The following CROCC variants were observed in gnomAD, a reference collection of about 807,000 sequenced individuals.
The protein encoded by CROCC is rootletin.
Under a neutral mutation model 245.2 loss-of-function variants are expected in CROCC, and 180 were observed. The observed-to-expected ratio is 0.73, with a 90% CI of 0.65 to 0.83. CROCC has a LOEUF of 0.83. Ranked by LOEUF, CROCC falls within the 40% of genes least tolerant of loss-of-function variation. The pLI is 0.00. For synonymous variants in CROCC, 1,205 were observed against 1,241.6 expected (o/e 0.97, Z 0.62); for missense variants, 2,688 against 2,779.4 (o/e 0.97, Z 0.74).
intron 17 of CROCC, 49 bp from the exon 18 acceptor site, chr1:16,948,282 C>G (rs1165663571): frequency 3.4e-6 from 5 of 1,492,144 alleles, no homozygotes; most frequent in African/African-American, 1.4e-5. Flanking sequence ...GCACGATGAA[C>G]AAGCTGGGGG....
At chr1:16,958,536 G>A in intron 25 of CROCC, 47 bp from the exon 26 acceptor site, 5 of 1,545,148 alleles carry the variant, frequency 3.2e-6, no homozygotes, top group Non-Finnish European at 4.4e-6. Context: ...GAACTGGGAG[G>A]GTACAGGGGC....
intron 3 of CROCC, among the ~76,000 whole-genome samples, chr1:16,926,813 G>A (rs746371489): frequency 5.3e-5 from 8 of 152,376 alleles, no homozygotes; most frequent in African/African-American, 7.2e-5. Context: ...ATTGAATGGC[G>A]GTCTGAGGGC....
intron 13 of CROCC, 78 bp downstream of exon 13, chr1:16,940,171 T>C: frequency 6.9e-7 from 1 of 1,446,398 alleles, no homozygotes; most frequent in East Asian, 2.5e-5. Flanking sequence ...GCCTTATGCG[T>C]ATGGCTCTGC....
chr1:16,966,945 C>T lies in CROCC; in HGVS notation c.4860+374C>T, dbSNP rs2076427748. Among the ~76,000 whole-genome samples the T allele has an allele frequency of 6.6e-6, 1 of 152,030 alleles. No homozygotes were observed. The highest frequency in any genetic ancestry group is 1.5e-5 in the Non-Finnish European group (1 of 68,018). On this transcript the variant is annotated intron_variant, in intron 30 of 36. Transcript: ENST00000375541. This position sits in a 1 kb window ranked among gnomAD's most constrained non-coding sequence, Gnocchi z 4.8. Reference sequence around the variant, plus strand: ...TGGTGTGGGCCTGTAGTCCCAGCTACTCGGGAGGCTGAGGTGGGAAGATCA... The same window carrying T: ...TGGTGTGGGCCTGTAGTCCCAGCTATTCGGGAGGCTGAGGTGGGAAGATCA...
intron 26 of CROCC, among the ~76,000 whole-genome samples, chr1:16,959,868 C>T (rs1252037011): frequency 2.0e-5 from 3 of 151,916 alleles, no homozygotes; most frequent in East Asian, 3.9e-4. Flanking sequence ...CGTGTGGCCC[C>T]GTGTGGTATG....
intron 13 of CROCC, among the ~76,000 whole-genome samples, 159 bp from the exon 14 acceptor site, chr1:16,943,941 A>G (rs1438891721): frequency 6.6e-6 from 1 of 152,270 alleles, no homozygotes; most frequent in African/African-American, 2.4e-5. Context: ...TGTGAGTGAA[A>G]TGAGTCAGCC....
chr1:16,937,660 G>T lies in CROCC; in HGVS notation c.1213G>T (p.Ala405Ser), dbSNP rs1219768991. 1.2e-6 allele frequency: 2 copies of T among 1,611,300 alleles called. No individual in the cohort carries two copies. The highest frequency in any genetic ancestry group is 4.5e-5 in the East Asian group (2 of 44,894). ...LSARVTELGLAVKRLEKQNLE... is the reference protein window; with the variant it reads ...LSARVTELGLSVKRLEKQNLE... The stretch of plus-strand genomic sequence containing the variant: ...CTCCAGAGTGACAGAGCTGGGCCTG[G>T]CAGTGAAGCGTCTTGAGAAGCAGAA... The change falls in exon 10 of 37, where the codon GCA becomes TCA. Residue 405 changes from alanine (A) to serine (S), a missense_variant. Physicochemically the swap from Ala to Ser is moderately conservative, Grantham distance 99 (BLOSUM62 1). This residue lies in a region of CROCC where 972 missense variants were observed against 895.3 expected (regional missense o/e 1.09). Coordinates refer to ENST00000375541, the MANE Select transcript of CROCC (RefSeq NM_014675.5).
At chr1:16,918,451 C>G (rs1274035763), upstream of CROCC, among the ~76,000 whole-genome samples, 4 of 152,336 alleles carry the variant, frequency 2.6e-5, no homozygotes, top group East Asian at 7.7e-4. Context: ...TCACCTGGTG[C>G]CAGGGGCTGA....
At chr1:16,957,676 G>A (rs1388763737) in intron 25 of CROCC, among the ~76,000 whole-genome samples, 1 of 152,074 alleles carries the variant, frequency 6.6e-6, no homozygotes, top group Non-Finnish European at 1.5e-5. Flanking sequence ...AACTCCTGAT[G>A]TCAGGTGATC....
intron 32 of CROCC, 25 bp downstream of exon 32, chr1:16,969,365 G>A (rs543043498): frequency 5.6e-6 from 9 of 1,593,184 alleles, no homozygotes; most frequent in African/African-American, 4.0e-5. Flanking sequence ...GTCTGGCTGG[G>A]GTGGGCCCAG....
chr1:16,934,215 A>T (rs1047557864), intron 8 of CROCC, among the ~76,000 whole-genome samples: 15 of 152,390 alleles, frequency 9.8e-5, no homozygotes, highest in African/African-American at 3.6e-4. Flanking sequence ...GAATTCTGGA[A>T]TGAGGCACTT....
rs1159705207 is a variant in CROCC at position 16,946,775 on chromosome 1, G to A, written c.2298G>A (p.Lys766=). 1 of 1,551,574 alleles carries A rather than the reference G, an allele frequency of 6.4e-7. No individual in the cohort carries two copies. Among genetic ancestry groups the A allele is most frequent in the East Asian group, 2.4e-5 (1 of 40,956 alleles). The change falls in exon 17 of 37, where the codon AAG becomes AAA. Residue 766 remains lysine, a synonymous_variant. Transcript: ENST00000375541. ...CTGGCCTCCAGCTGGAGGAAGAAAA[G>A]TCCGCCCTGCAGGGCCGGCAACGGC... ...NRLVAQLEEE[K]SALQGRQRQA...
At chr1:16,921,855 C>T (rs1021251298), upstream of CROCC, 2 of 695,342 alleles carry the variant, frequency 2.9e-6, no homozygotes, top group South Asian at 1.8e-5. Flanking sequence ...CTCCTCAGCC[C>T]ACATCCTGCT....
intron 3 of CROCC, 36 bp from the exon 4 acceptor site, chr1:16,929,810 A>G (rs1479182490): frequency 2.0e-6 from 3 of 1,489,660 alleles, no homozygotes; most frequent in Middle Eastern, 2.4e-4. Flanking sequence ...CCTTCCCAGG[A>G]GGCCCAGGAC....
In CROCC at chr1:16,930,320, T is replaced by A. The variant is rs1352484587; in HGVS notation, c.656T>A (p.Leu219His). 1 of 1,609,076 alleles carries A rather than the reference T, an allele frequency of 6.2e-7. No homozygotes were observed. The highest frequency in any genetic ancestry group is 8.5e-7 in the Non-Finnish European group (1 of 1,178,568). Residue 219 changes from leucine to histidine, a missense_variant, in exon 6 of 37, where the codon CTC becomes CAC. Transcript: ENST00000375541. ...TEHSQDLESALIRLEEEQQRS... is the reference protein window; with the variant it reads ...TEHSQDLESAHIRLEEEQQRS... ...CACAGCCAAGACCTGGAAAGCGCCC[T>A]CATCCGGCTGGAGGAGGAGCAGCAG...
Position 16,970,408 on chromosome 1 carries a change from G to A in CROCC, c.5607G>A (p.Leu1869=). 6.2e-7 allele frequency: 1 copy of A among 1,604,874 alleles called. No individual in the cohort carries two copies. The highest frequency in any genetic ancestry group is 8.5e-7 in the Non-Finnish European group (1 of 1,175,898). Residue 1869 remains leucine (L), a synonymous_variant, in exon 34 of 37, where the codon CTG becomes CTA. Transcript: ENST00000375541. ...AEKREVERSA[L]RLEKDRVALR... is the part of the protein sequence containing the mutation. ...AGCGGGAGGTGGAGCGCTCAGCCCT[G>A]CGGCTGGAGAAGGACCGTGTAGCCC...
Position 16,946,831 on chromosome 1 carries a change from A to C in CROCC, c.2354A>C (p.Glu785Ala). 1 of 1,553,830 alleles carries C rather than the reference A, an allele frequency of 6.4e-7. No homozygotes were observed. The highest frequency in any genetic ancestry group is 8.7e-7 in the Non-Finnish European group (1 of 1,148,396). ...GAGCAGGAGGCCACAGTGGCGCGGG[A>C]AGAGCAGGAACGGCTAGAGGAGCTG... is the stretch of plus-strand genomic sequence containing the variant. The part of the protein sequence containing the change: ...QAEQEATVAR[E>A]EQERLEELRL... Residue 785 changes from glutamate to alanine, a missense_variant, in exon 17 of 37, where the codon GAA (glutamate) becomes GCA (alanine). Coordinates refer to ENST00000375541, the MANE Select transcript of CROCC (RefSeq NM_014675.5).
At chr1:16,968,854 G>A (rs1454860591) in intron 31 of CROCC, among the ~76,000 whole-genome samples, 1 of 152,218 alleles carries the variant, frequency 6.6e-6, no homozygotes, top group East Asian at 1.9e-4. Flanking sequence ...GAGGAGTGAG[G>A]ACAGGGAGGA....
rs1336516730 is a variant in CROCC at position 16,960,895 on chromosome 1, G to A, written c.4170G>A (p.Lys1390=). Reference sequence around the variant, plus strand: ...ACCACGCCCGCGGCCTGGAGCTGAAGCTGGAGGCGGCGCGGGCCGAGGCTG... The same window carrying A: ...ACCACGCCCGCGGCCTGGAGCTGAAACTGGAGGCGGCGCGGGCCGAGGCTG... ...QLDHARGLEL[K]LEAARAEAAE... is the part of the protein sequence containing the mutation. Residue 1390 remains lysine (K), a synonymous_variant, in exon 27 of 37, where the codon AAG becomes AAA. Transcript: ENST00000375541. 6.6e-7 allele frequency: 1 copy of A among 1,508,100 alleles called. No individual in the cohort carries two copies. Among genetic ancestry groups the A allele is most frequent in the East Asian group, 2.6e-5 (1 of 38,106 alleles). The allele number at this position is 1,508,100 out of a possible 1,614,324, so 93.4% of individuals were successfully genotyped here. A position where few individuals can be genotyped will look rare whatever the true frequency, so the allele number is the denominator to read the frequency against.
Sources: gnomAD v4.1 joint callset for allele counts (sites outside exome capture counted in the v4.1 genomes callset) on GRCh38, gnomAD v4.1.1 for gene constraint, gnomAD v4.1.1 regional missense constraint, Gnocchi (gnomAD v3.1) non-coding constraint, MANE v1.5 for transcripts, NCBI Gene and HGNC (gene_info 2026-07-23, HGNC 2026-07-21) for gene names.